Variants in TCF4 observed in about 807,000 individuals in gnomAD.
TCF4 encodes SL3-3 enhancer factor 2.
A neutral mutation model predicts 82.1 loss-of-function variants in TCF4; 3 were observed. The observed-to-expected ratio is 0.04, with a 90% CI of 0.02 to 0.09. The LOEUF is 0.09. Among genes scored for constraint, TCF4 ranks in the 10% least tolerant of loss-of-function variants. The pLI, the probability that TCF4 is intolerant of heterozygous loss-of-function variation, is 1.00. For missense variants in TCF4, 518 were observed against 852.7 expected (o/e 0.61, Z 4.89); for synonymous variants, 276 against 309.6 (o/e 0.89, Z 1.14).
intron 4 of TCF4, among the ~76,000 whole-genome samples, chr18:55,462,664 GT>G (rs1395547100): frequency 6.6e-6 from 1 of 152,168 alleles, no homozygotes; most frequent in African/African-American, 2.4e-5. Context: ...AGTACCATGT[GT>G]ACTGAATGGA....
intron 5 of TCF4, among the ~76,000 whole-genome samples, chr18:55,455,282 G>C (rs1033564356): frequency 6.6e-6 from 1 of 151,284 alleles, no homozygotes; most frequent in Non-Finnish European, 1.5e-5. Flanking sequence ...CCTGACTCCT[G>C]ACTACCAGCC....
chr18:55,557,518 A>G (rs2097315169), intron 3 of TCF4, among the ~76,000 whole-genome samples: 1 of 152,232 alleles, frequency 6.6e-6, no homozygotes, highest in Non-Finnish European at 1.5e-5. Flanking sequence ...AATTCTGAAG[A>G]AAACAATCCA....
chr18:55,296,585 T>C (rs955073167), intron 8 of TCF4, among the ~76,000 whole-genome samples: 2 of 152,178 alleles, frequency 1.3e-5, no homozygotes, highest in African/African-American at 4.8e-5. Flanking sequence ...TTCAATTTAA[T>C]AGCAATATTG....
At chr18:55,519,408 T>C (rs561062641) in intron 3 of TCF4, among the ~76,000 whole-genome samples, 16 of 143,902 alleles carry the variant, frequency 1.1e-4, no homozygotes, top group Admixed American at 2.9e-4. Context: ...CACTTCAGCA[T>C]GGGCAACAGA....
chr18:55,375,051 C>G (rs2090395572), intron 6 of TCF4, among the ~76,000 whole-genome samples: 1 of 151,716 alleles, frequency 6.6e-6, no homozygotes, highest in Non-Finnish European at 1.5e-5. Flanking sequence ...AAGAAAATGA[C>G]AGGCTCCTCT....
intron 3 of TCF4, among the ~76,000 whole-genome samples, chr18:55,541,448 T>C (rs2097164412): frequency 6.6e-6 from 1 of 151,980 alleles, no homozygotes; most frequent in South Asian, 2.1e-4. Context: ...CTGAAAACTC[T>C]CAACATCAAA....
intron 3 of TCF4, among the ~76,000 whole-genome samples, chr18:55,514,109 T>G (rs933932835): frequency 6.6e-6 from 1 of 152,172 alleles, no homozygotes; most frequent in Non-Finnish European, 1.5e-5. Context: ...CAAAGATCAT[T>G]CTTCAAAAGC....
intron 11 of TCF4, chr18:55,268,817 T>C (rs2059741728): frequency 6.6e-6 from 1 of 152,064 alleles, no homozygotes; most frequent in Non-Finnish European, 1.5e-5. Flanking sequence ...CCATCTTCTC[T>C]CAAAGACATA....
At chr18:55,466,313 C>T (rs1216153073) in intron 3 of TCF4, among the ~76,000 whole-genome samples, 7 of 152,072 alleles carry the variant, frequency 4.6e-5, no homozygotes, top group South Asian at 4.1e-4. Context: ...CTGGGAAACA[C>T]GGCAAGATTC....
At chr18:55,230,312 T>C (rs2047558034) in intron 17 of TCF4, 1 of 152,230 alleles carries the variant, frequency 6.6e-6, no homozygotes, top group Non-Finnish European at 1.5e-5. Context: ...AACTTTTGAA[T>C]GGAAGGCAAA....
intron 8 of TCF4, among the ~76,000 whole-genome samples, chr18:55,291,564 T>G (rs565835202): frequency 1.3e-5 from 2 of 152,262 alleles, no homozygotes; most frequent in East Asian, 3.9e-4. Flanking sequence ...CCTAACTACT[T>G]TCAACTGAAA....
intron 13 of TCF4, 34 bp downstream of exon 13, chr18:55,259,915 G>T: frequency 6.5e-7 from 1 of 1,545,874 alleles, no homozygotes; most frequent in Non-Finnish European, 8.9e-7. Flanking sequence ...CTTATAAACT[G>T]TTATATGATG....
chr18:55,303,392 G>A (rs2069044686), intron 8 of TCF4, among the ~76,000 whole-genome samples: 1 of 152,126 alleles, frequency 6.6e-6, no homozygotes, highest in South Asian at 2.1e-4. Flanking sequence ...AAGGGTCAGT[G>A]TTAGTCTATT....
At chr18:55,311,463 G>A (rs968687638) in intron 8 of TCF4, among the ~76,000 whole-genome samples, 2 of 152,180 alleles carry the variant, frequency 1.3e-5, no homozygotes, top group Admixed American at 6.5e-5. Flanking sequence ...AGATATTGCC[G>A]TATGTCCCCT....
chr18:55,389,444 A>T (rs1031203613), intron 6 of TCF4, among the ~76,000 whole-genome samples: 5 of 152,194 alleles, frequency 3.3e-5, no homozygotes, highest in African/African-American at 1.2e-4. Context: ...AGCACAGAAG[A>T]GAGGCAGCTC....
chr18:55,318,433 A>G (rs1382600432), intron 8 of TCF4, among the ~76,000 whole-genome samples: 1 of 152,112 alleles, frequency 6.6e-6, no homozygotes, highest in Non-Finnish European at 1.5e-5. Context: ...GTAGTTCAGA[A>G]GTGGTGCTTT....
At chr18:55,461,214 T>G (rs978006973) in intron 4 of TCF4, 99 bp from the exon 5 acceptor site, 1 of 977,146 alleles carries the variant, frequency 1.0e-6, no homozygotes, top group Non-Finnish European at 1.6e-6. Flanking sequence ...TCCAAAGAAA[T>G]TGGAGTCCAC....
chr18:55,228,170 T>G, intron 19 of TCF4, 51 bp downstream of exon 19: 1 of 1,611,480 alleles, frequency 6.2e-7, no homozygotes, highest in Non-Finnish European at 8.5e-7. Context: ...GCTGATACAC[T>G]GATGAGAGTT....
chr18:55,245,979 A>G (rs2053016742), intron 15 of TCF4, among the ~76,000 whole-genome samples: 1 of 152,252 alleles, frequency 6.6e-6, no homozygotes, highest in African/African-American at 2.4e-5. Flanking sequence ...TAATATATAC[A>G]ATATATACTT....
Sources: allele counts gnomAD v4.1 joint callset (sites outside exome capture counted in the v4.1 genomes callset), GRCh38; gene constraint gnomAD v4.1.1; transcripts MANE v1.5; gene names NCBI Gene and HGNC (gene_info 2026-07-23, HGNC 2026-07-21).